TTC23L: variants seen among roughly 807,000 people sequenced by gnomAD.
TTC23L encodes the protein tetratricopeptide repeat domain 23 like, also known as tetratricopeptide repeat protein 23-like.
A neutral mutation model predicts 48.1 loss-of-function variants in TTC23L; 42 were observed. The ratio of observed to expected loss-of-function variants is 0.87; its 90% CI spans 0.68 to 1.13. The LOEUF (loss-of-function observed/expected upper bound fraction) is 1.13. TTC23L is among the 50% of genes most tolerant of loss of function. The pLI is 0.00. For synonymous variants in TTC23L, 159 were observed against 157.2 expected (o/e 1.01, Z -0.09); for missense variants, 391 against 421.0 (o/e 0.93, Z 0.62).
chr5:34,846,486 G>A (rs1759149553), intron 3 of TTC23L, among the ~76,000 whole-genome samples: 1 of 147,890 alleles, frequency 6.8e-6, no homozygotes, highest in African/African-American at 2.5e-5. Context: ...CTGGAACCCA[G>A]GAGGCAGAGG....
At chr5:34,915,455 C>T in the TTC23L span, 1 of 353,670 alleles carries the variant, frequency 2.8e-6, no homozygotes, top group African/African-American at 2.1e-5. Context: ...CCCTTCTCAG[C>T]AAAGTCCCTG....
intron 9 of TTC23L, among the ~76,000 whole-genome samples, chr5:34,894,219 A>G (rs1224630565): frequency 1.3e-5 from 2 of 152,194 alleles, no homozygotes; most frequent in African/African-American, 4.8e-5. Context: ...AAGTATATAT[A>G]CAAATATACA....
chr5:34,841,249 G>C (rs1449633457), intron 2 of TTC23L, among the ~76,000 whole-genome samples: 1 of 152,120 alleles, frequency 6.6e-6, no homozygotes, highest in African/African-American at 2.4e-5. Context: ...CTATAACAAA[G>C]TTAATGAGAA....
intron 10 of TTC23L, among the ~76,000 whole-genome samples, chr5:34,898,316 C>T (rs890150022): frequency 6.6e-6 from 1 of 151,998 alleles, no homozygotes; most frequent in Non-Finnish European, 1.5e-5. Context: ...GTTAACATCT[C>T]GAAAAAGATA....
the TTC23L span, chr5:34,920,900 T>TGTTACCACC: frequency 6.6e-6 from 1 of 152,180 alleles, no homozygotes; most frequent in Non-Finnish European, 1.5e-5. Context: ...AGTCTCTCTC[T>TGTTACCACC]GTTACCCAGG....
At chr5:34,853,646 G>A (rs367941414) in intron 4 of TTC23L, among the ~76,000 whole-genome samples, 2 of 152,260 alleles carry the variant, frequency 1.3e-5, no homozygotes, top group African/African-American at 4.8e-5. Flanking sequence ...AGGAGGACCC[G>A]TGTCATCAAA....
rs557183135 is a variant in TTC23L at position 34,879,825 on chromosome 5, A to C, written c.950-356A>C. Among the ~76,000 whole-genome samples, 7 of 152,184 alleles carry C rather than the reference A, an allele frequency of 4.6e-5. No individual in the cohort carries two copies. The East Asian group carries it at 1.4e-3, about 29-fold the overall frequency. On this transcript the variant is annotated intron_variant, in intron 8 of 10. Transcript: ENST00000505624. ...GTCCTGGCCAACATGGTGAAACCCC[A>C]TCTCTACTAAAAATACAAAAATTAG...
the TTC23L span, chr5:34,915,646 C>A: frequency 7.0e-7 from 1 of 1,424,986 alleles, no homozygotes; most frequent in Non-Finnish European, 9.3e-7. Flanking sequence ...GACCGCGGAG[C>A]TGAGCGCTTA....
chr5:34,925,635 A>G, the TTC23L span: 3 of 660,098 alleles, frequency 4.5e-6, no homozygotes, highest in Non-Finnish European at 7.1e-6. Context: ...TCTTAAAATC[A>G]GTGATTATCT....
At chr5:34,856,220 G>A (rs928014277) in intron 4 of TTC23L, among the ~76,000 whole-genome samples, 6 of 152,134 alleles carry the variant, frequency 3.9e-5, no homozygotes, top group Non-Finnish European at 2.9e-5. Context: ...GTTGAGAATC[G>A]CTAATCTGAA....
the TTC23L span, chr5:34,924,906 A>C: frequency 6.2e-7 from 1 of 1,610,202 alleles, no homozygotes. Flanking sequence ...TAAATCTCAT[A>C]AAGATTTTCC....
the TTC23L span, chr5:34,922,459 C>A: frequency 1.0e-6 from 1 of 959,540 alleles, no homozygotes; most frequent in Non-Finnish European, 1.6e-6. Flanking sequence ...ATATTATAAG[C>A]ATATTATTTA....
the TTC23L span, chr5:34,923,135 C>G: frequency 1.2e-6 from 2 of 1,612,398 alleles, no homozygotes; most frequent in Non-Finnish European, 1.7e-6. Context: ...TTAACTAGAT[C>G]TTTAGTACAC....
At chr5:34,855,478 GA>G (rs1233607315) in intron 4 of TTC23L, among the ~76,000 whole-genome samples, 1 of 152,178 alleles carries the variant, frequency 6.6e-6, no homozygotes. Context: ...GAGAATGGGT[GA>G]GAAGGTAAGG....
chr5:34,866,705 A>G (rs944649416), intron 6 of TTC23L, among the ~76,000 whole-genome samples, 187 bp from the exon 7 acceptor site: 1 of 152,212 alleles, frequency 6.6e-6, no homozygotes, highest in Non-Finnish European at 1.5e-5. Flanking sequence ...GTGGTCGTCA[A>G]TGAAATCTGA....
the TTC23L span, chr5:34,925,125 A>T: frequency 1.4e-6 from 2 of 1,441,140 alleles, no homozygotes; most frequent in East Asian, 5.0e-5. Flanking sequence ...TTTTCATGAC[A>T]CTGGCTGAAA....
the TTC23L span, among the ~76,000 whole-genome samples, chr5:34,912,794 GTT>G: frequency 6.6e-6 from 1 of 152,182 alleles, no homozygotes; most frequent in African/African-American, 2.4e-5. Context: ...GAGGTCAGGA[GTT>G]TGAGACCAGC....
the TTC23L span, chr5:34,911,866 T>C: frequency 6.4e-7 from 1 of 1,568,264 alleles, no homozygotes; most frequent in South Asian, 1.2e-5. Flanking sequence ...TGGGTTCAGC[T>C]TCTCCTCGAA....
At chr5:34,911,814 T>C in the TTC23L span, 2 of 1,613,956 alleles carry the variant, frequency 1.2e-6, no homozygotes, top group Middle Eastern at 1.6e-4. Context: ...TTAAAGTCCC[T>C]GCAATGGAAA....
Sources: allele counts gnomAD v4.1 joint callset (sites outside exome capture counted in the v4.1 genomes callset), GRCh38; gene constraint gnomAD v4.1.1; transcripts MANE v1.5; gene names NCBI Gene and HGNC (gene_info 2026-07-23, HGNC 2026-07-21).